Variants in CCNB3 observed in about 807,000 individuals in gnomAD.
CCNB3 encodes the protein G2/mitotic-specific cyclin-B3.
CCNB3 carries 12 observed loss-of-function variants against 68.0 expected under a neutral mutation model. The ratio of observed to expected loss-of-function variants is 0.18; its 90% CI spans 0.11 to 0.29. CCNB3 has a LOEUF of 0.29. CCNB3 is among the 10% of genes least tolerant of loss of function. CCNB3 has a pLI of 1.00. For synonymous variants in CCNB3, 354 were observed against 388.9 expected, an observed-to-expected ratio of 0.91 and a Z score of 1.06; for missense variants, 904 against 993.1, an observed-to-expected ratio of 0.91 and a Z score of 1.21.
intron 8 of CCNB3, among the ~76,000 whole-genome samples, chrX:50,324,884 T>C (rs1922219530): frequency 8.9e-6 from 1 of 111,901 alleles, no homozygotes; most frequent in Non-Finnish European, 1.9e-5. Flanking sequence ...TGTTGTTTTT[T>C]TAGTGCTTAA....
At chrX:50,314,625 G>T (rs1921632017) in intron 8 of CCNB3, among the ~76,000 whole-genome samples, 1 of 111,792 alleles carries the variant, frequency 8.9e-6, no homozygotes, top group African/African-American at 3.2e-5. Flanking sequence ...CAGAGGAGTG[G>T]TTCAGGCTCA....
chrX:50,314,049 G>A, intron 8 of CCNB3, 101 bp downstream of exon 8: 1 of 556,930 alleles, frequency 1.8e-6, no homozygotes, highest in African/African-American at 2.3e-5. Context: ...CTATAGAGTT[G>A]AATAAGCTGT....
intron 1 of CCNB3, among the ~76,000 whole-genome samples, chrX:50,207,152 G>T (rs1414800795): frequency 8.9e-6 from 1 of 111,764 alleles, no homozygotes; most frequent in Non-Finnish European, 1.9e-5. Context: ...CCATTATGAA[G>T]ATATGTATAG....
chrX:50,279,466 A>G (rs1307463213), intron 1 of CCNB3, among the ~76,000 whole-genome samples: 1 of 80,091 alleles, frequency 1.2e-5, no homozygotes, highest in Non-Finnish European at 2.3e-5. Context: ...ATATATAAAT[A>G]TATAAATATA....
chrX:50,294,052 C>G (rs965609090), intron 4 of CCNB3, among the ~76,000 whole-genome samples: 1 of 111,092 alleles, frequency 9.0e-6, no homozygotes, highest in Admixed American at 9.6e-5. Flanking sequence ...CCTCTTACCT[C>G]ATTCCCCCCA....
Position 50,293,395 on chromosome X carries a change from T to C in CCNB3, c.205-1468T>C, listed in dbSNP as rs956840253. On this transcript the variant is annotated intron_variant, in intron 4 of 12. Transcript: ENST00000376042. The stretch of plus-strand genomic sequence containing the variant: ...TTCCACTCAAATTTTGATTACTTCT[T>C]GTCTTTTGCTAGCTTTGGGGTTTGT... Among the ~76,000 whole-genome samples the C allele has an allele frequency of 7.2e-5, 8 of 111,130 alleles. No individual in the cohort carries two copies. In the East Asian group the frequency reaches 2.0e-3, roughly 28 times the overall value.
At chrX:50,279,947 A>T (rs1448540849) in intron 1 of CCNB3, among the ~76,000 whole-genome samples, 1 of 85,065 alleles carries the variant, frequency 1.2e-5, no homozygotes, top group Admixed American at 1.7e-4. Flanking sequence ...TTTATAATAT[A>T]TATAGAATAT....
chrX:50,343,250 T>A lies in CCNB3; in HGVS notation c.3654+911T>A, dbSNP rs188907980. 1.8e-4 allele frequency among the ~76,000 whole-genome samples: 20 copies of A among 110,779 alleles called. 1 individual carries two copies. Among genetic ancestry groups the A allele is most frequent in the African/African-American group, 5.6e-4 (17 of 30,527 alleles). On this transcript the variant is annotated intron_variant, in intron 9 of 12. Coordinates refer to ENST00000376042, the MANE Select transcript of CCNB3 (RefSeq NM_033031.3). ...GTGTGTTTGTGTCTTCATTTTTTTT[T>A]ATTTTATTATTATTATTATACTTTA...
intron 1 of CCNB3, among the ~76,000 whole-genome samples, chrX:50,283,735 G>A (rs754079647): frequency 8.1e-5 from 9 of 110,724 alleles, no homozygotes; most frequent in Non-Finnish European, 1.5e-4. Flanking sequence ...CCTGGGCTCG[G>A]CTTTCTTTGC....
chrX:50,298,570 C>G (rs1256384093), intron 5 of CCNB3, among the ~76,000 whole-genome samples: 1 of 111,767 alleles, frequency 8.9e-6, no homozygotes, highest in Non-Finnish European at 1.9e-5. Flanking sequence ...CGATGTTCAT[C>G]AAAGATATTG....
chrX:50,303,851 T>G (rs1263548424), intron 5 of CCNB3, among the ~76,000 whole-genome samples: 6 of 111,482 alleles, frequency 5.4e-5, no homozygotes, highest in African/African-American at 3.3e-5. Context: ...GAAGTCTAAT[T>G]TGTTTTTTCT....
chrX:50,294,056 C>T lies in CCNB3; in HGVS notation c.205-807C>T, dbSNP rs550809496. Reference sequence around the variant, plus strand: ...ACTCAAGCAATCCTCTTACCTCATTCCCCCCAAGTAGCTGGGACCATAGGC... The same window carrying T: ...ACTCAAGCAATCCTCTTACCTCATTTCCCCCAAGTAGCTGGGACCATAGGC... On this transcript the variant is annotated intron_variant, in intron 4 of 12. Transcript: ENST00000376042. Among the ~76,000 whole-genome samples, 18 of 110,938 alleles carry T rather than the reference C, an allele frequency of 1.6e-4. No homozygotes were observed. In the South Asian group the frequency reaches 7.1e-3, roughly 44 times the overall value.
At chrX:50,205,557 C>T (rs1435153880) in intron 1 of CCNB3, among the ~76,000 whole-genome samples, 2 of 110,403 alleles carry the variant, frequency 1.8e-5, no homozygotes, top group African/African-American at 6.6e-5. Flanking sequence ...GCAGTGGCTG[C>T]GGCAGGAGGA....
chrX:50,350,603 C>T (rs919725422), intron 11 of CCNB3, among the ~76,000 whole-genome samples: 18 of 111,498 alleles, frequency 1.6e-4, no homozygotes, highest in Non-Finnish European at 3.0e-4. Context: ...GCCATTAGCT[C>T]TGGACCTGAG....
chrX:50,300,891 C>G (rs1447523879), intron 5 of CCNB3, among the ~76,000 whole-genome samples: 1 of 111,739 alleles, frequency 8.9e-6, no homozygotes, highest in Non-Finnish European at 1.9e-5. Flanking sequence ...TTTCGTCTTC[C>G]GTTGCTGATA....
At chrX:50,341,566 G>A (rs1186972432) in intron 8 of CCNB3, 2 of 107,490 alleles carry the variant, frequency 1.9e-5, no homozygotes, top group Non-Finnish European at 3.8e-5. Flanking sequence ...TAAACAAAAC[G>A]TTGATTTTTT....
chrX:50,342,346 C>A lies in CCNB3; in HGVS notation c.3654+7C>A. On this transcript the variant is annotated splice_region_variant and intron_variant, in intron 9 of 12. Coordinates refer to ENST00000376042, the MANE Select transcript of CCNB3 (RefSeq NM_033031.3). The stretch of plus-strand genomic sequence containing the variant: ...GATTGCAGCAAAATTTGAGGTGAGT[C>A]TGAGTCCCTATGGCCTGGAGAACTA... 8.4e-7 allele frequency: 1 copy of A among 1,187,217 alleles called. No homozygotes were observed. The highest frequency in any genetic ancestry group is 1.9e-5 in the South Asian group (1 of 52,097).
intron 4 of CCNB3, among the ~76,000 whole-genome samples, chrX:50,290,838 T>C (rs1557210021): frequency 9.0e-6 from 1 of 111,614 alleles, no homozygotes; most frequent in African/African-American, 3.2e-5. Context: ...GCTCAAGTTC[T>C]GAAGATTTAC....
chrX:50,209,563 C>T (rs1280934130), intron 1 of CCNB3, among the ~76,000 whole-genome samples: 1 of 111,527 alleles, frequency 9.0e-6, no homozygotes, highest in Non-Finnish European at 1.9e-5. Context: ...ACCATGTTGG[C>T]CAGGCTGGTC....
Sources: gnomAD v4.1 joint callset for allele counts (sites outside exome capture counted in the v4.1 genomes callset) on GRCh38, gnomAD v4.1.1 for gene constraint, MANE v1.5 for transcripts, NCBI Gene and HGNC (gene_info 2026-07-23, HGNC 2026-07-21) for gene names.